ADD1: variants seen among roughly 807,000 people sequenced by gnomAD.
The protein encoded by ADD1 is alpha-adducin.
ADD1 carries 24 observed loss-of-function variants against 80.5 expected under a neutral mutation model. The observed-to-expected ratio is 0.30, with a 90% confidence interval of 0.22 to 0.42. The LOEUF is 0.42. Among genes scored for constraint, ADD1 ranks in the 10% least tolerant of loss-of-function variants. The pLI, the probability that ADD1 is intolerant of heterozygous loss-of-function variation, is 1.00. For synonymous variants in ADD1, 373 were observed against 393.8 expected, an observed-to-expected ratio of 0.95 and a Z score of 0.63; for missense variants, 948 against 1,019.0, an observed-to-expected ratio of 0.93 and a Z score of 0.95.
intron 15 of ADD1, 147 bp from the exon 16 acceptor site, chr4:2,928,024 G>A: frequency 1.3e-6 from 1 of 754,110 alleles, no homozygotes; most frequent in East Asian, 2.5e-5. Context: ...GTACAGTAGA[G>A]TAGACCATAT....
At chr4:2,847,785 A>G (rs1726476587) in intron 1 of ADD1, among the ~76,000 whole-genome samples, 1 of 152,234 alleles carries the variant, frequency 6.6e-6, no homozygotes, top group Admixed American at 6.5e-5. Flanking sequence ...GACAGCTTGA[A>G]GCAGGGAGGG....
chr4:2,916,754 C>T (rs549719809), intron 14 of ADD1, among the ~76,000 whole-genome samples: 1 of 152,276 alleles, frequency 6.6e-6, no homozygotes, highest in East Asian at 1.9e-4. Flanking sequence ...TCTAATTGTT[C>T]AATCCCCACT....
At chr4:2,885,408 C>G (rs1270211304) in intron 4 of ADD1, among the ~76,000 whole-genome samples, 1 of 152,256 alleles carries the variant, frequency 6.6e-6, no homozygotes, top group Non-Finnish European at 1.5e-5. Flanking sequence ...CTCTTACAAC[C>G]TTACTAATAT....
rs756975353 is a variant in ADD1 at position 2,914,986 on chromosome 4, C to G, written c.1894C>G (p.Arg632Gly). 2.5e-6 allele frequency: 4 copies of G among 1,613,964 alleles called. No homozygotes were observed. The highest frequency in any genetic ancestry group is 2.7e-5 in the African/African-American group (2 of 74,916). ...CAACCCCTTCACCACACTCACAGAC[C>G]GTGAGCTGGAGGAGTACCGCAGGGA... ...GPNPFTTLTD[R>G]ELEEYRREVE... Residue 632 changes from arginine (R) to glycine (G), a missense_variant, in exon 14 of 16, where the codon CGT becomes GGT. Physicochemically the swap from Arg to Gly is moderately radical, Grantham distance 125. Coordinates refer to ENST00000683351, the MANE Select transcript of ADD1 (RefSeq NM_001354761.2).
At position 2,909,416 on chromosome 4, in the gene ADD1, T is replaced by A; in HGVS notation, c.1776T>A (p.Ser592=). 6 of 1,550,150 alleles carry A rather than the reference T, an allele frequency of 3.9e-6. No individual in the cohort carries two copies. Among genetic ancestry groups the A allele is most frequent in the Non-Finnish European group, 5.2e-6 (6 of 1,146,678 alleles). The change falls in exon 13 of 16, where the codon TCT becomes TCA. Residue 592 remains serine, a synonymous_variant. Transcript: ENST00000683351. ...AGCAGACCTTTAGTCCCGCTAAATC[T>A]CTCTCTTTTAGAAAGGTACTCACTG... ...LTEQTFSPAK[S]LSFRKGELVT...
intron 3 of ADD1, among the ~76,000 whole-genome samples, chr4:2,882,577 C>T (rs905896764): frequency 2.3e-4 from 35 of 152,324 alleles, no homozygotes; most frequent in Admixed American, 2.3e-3. Flanking sequence ...CTAATCTGAG[C>T]CACTGCATAT....
At chr4:2,876,215 C>A in intron 2 of ADD1, 105 bp downstream of exon 2, 2 of 1,102,792 alleles carry the variant, frequency 1.8e-6, no homozygotes, top group Non-Finnish European at 1.3e-6. Flanking sequence ...GATCTTATCA[C>A]AGGAAATCAG....
chr4:2,894,637 T>C lies in ADD1; in HGVS notation c.647T>C (p.Val216Ala). 1 of 1,610,032 alleles carries C rather than the reference T, an allele frequency of 6.2e-7. No homozygotes were observed. The highest frequency in any genetic ancestry group is 8.5e-7 in the Non-Finnish European group (1 of 1,178,836). ...IVDRGSTNLG[V>A]NQAGFTLHSA... Reference sequence around the variant, plus strand: ...GATCGTGGAAGCACTAATCTGGGAGTGAATCAGGCCGGCTTCACCTTACAC... The same window carrying C: ...GATCGTGGAAGCACTAATCTGGGAGCGAATCAGGCCGGCTTCACCTTACAC... Residue 216 changes from valine (V) to alanine (A), a missense_variant, in exon 6 of 16, where the codon GTG (valine) becomes GCG (alanine). Val to Ala is a moderately conservative substitution (Grantham distance 64). Transcript: ENST00000683351.
Position 2,926,149 on chromosome 4 carries a change from G to GGTGCACGGCTC in ADD1, c.2047+42_2047+52dup. 6.4e-7 allele frequency: 1 copy of GGTGCACGGCTC among 1,571,686 alleles called. No homozygotes were observed. Among genetic ancestry groups the GGTGCACGGCTC allele is most frequent in the Non-Finnish European group, 8.8e-7 (1 of 1,142,114 alleles). On this transcript the variant is annotated intron_variant, in intron 15 of 15. Coordinates refer to ENST00000683351, the MANE Select transcript of ADD1 (RefSeq NM_001354761.2). The surrounding 1 kb of genome is among the most constrained non-coding windows in gnomAD (Gnocchi z 5.0). ...GTGGCAGCGGCCGCCACTGTGGGAG[G>GGTGCACGGCTC]GTGCACGGCTCGTGCGCGCTGTGGC...
intron 14 of ADD1, among the ~76,000 whole-genome samples, chr4:2,915,272 A>C (rs1738796638): frequency 6.6e-6 from 1 of 152,062 alleles, no homozygotes; most frequent in Admixed American, 6.6e-5. Flanking sequence ...TTGGGAGGCC[A>C]AGGAGGGCGG....
At chr4:2,882,295 G>T (rs938392283) in intron 3 of ADD1, among the ~76,000 whole-genome samples, 1 of 152,196 alleles carries the variant, frequency 6.6e-6, no homozygotes, top group Non-Finnish European at 1.5e-5. Flanking sequence ...CGAGGCAGAT[G>T]ACTTTTTATG....
chr4:2,907,972 A>G, intron 11 of ADD1, 128 bp downstream of exon 11: 2 of 731,772 alleles, frequency 2.7e-6, no homozygotes, highest in East Asian at 5.1e-5. Context: ...GTTGCAGTGA[A>G]GCCATCTCTT....
intron 13 of ADD1, among the ~76,000 whole-genome samples, chr4:2,911,846 A>C (rs534510679): frequency 6.6e-6 from 1 of 152,204 alleles, no homozygotes; most frequent in East Asian, 1.9e-4. Context: ...ACTGCAAGCT[A>C]TTCAGCCCAG....
intron 3 of ADD1, among the ~76,000 whole-genome samples, chr4:2,882,518 C>T (rs1366091440): frequency 6.6e-6 from 1 of 152,230 alleles, no homozygotes; most frequent in African/African-American, 2.4e-5. Flanking sequence ...AAGAATGCAG[C>T]TTTGCCATGG....
intron 14 of ADD1, among the ~76,000 whole-genome samples, chr4:2,920,279 C>G (rs542126762): frequency 5.3e-5 from 8 of 152,048 alleles, no homozygotes; most frequent in Admixed American, 5.2e-4. Context: ...AGAATAAGTG[C>G]GATGTGGTGC....
chr4:2,871,563 C>T (rs1175443850), intron 1 of ADD1, among the ~76,000 whole-genome samples: 1 of 152,176 alleles, frequency 6.6e-6, no homozygotes, highest in African/African-American at 2.4e-5. Flanking sequence ...CAGAGACCAG[C>T]TCATGTAAGG....
intron 1 of ADD1, among the ~76,000 whole-genome samples, chr4:2,867,148 G>C (rs1729672222): frequency 6.6e-6 from 1 of 152,192 alleles, no homozygotes; most frequent in Admixed American, 6.5e-5. Flanking sequence ...TTGCAGGGTG[G>C]TTGGAATTAA....
intron 1 of ADD1, among the ~76,000 whole-genome samples, chr4:2,857,368 C>G (rs1480622110): frequency 6.6e-6 from 1 of 152,166 alleles, no homozygotes; most frequent in Non-Finnish European, 1.5e-5. Flanking sequence ...CCCAGCTACT[C>G]AAGAGGCTGA....
chr4:2,897,892 G>C (rs1735527634), intron 6 of ADD1, among the ~76,000 whole-genome samples: 1 of 152,108 alleles, frequency 6.6e-6, no homozygotes, highest in Admixed American at 6.6e-5. Context: ...TAGATGCAGT[G>C]CTCATTGTAT....
Sources: gnomAD v4.1 joint callset for allele counts (sites outside exome capture counted in the v4.1 genomes callset) on GRCh38, gnomAD v4.1.1 for gene constraint, Gnocchi (gnomAD v3.1) non-coding constraint, MANE v1.5 for transcripts, NCBI Gene and HGNC (gene_info 2026-07-23, HGNC 2026-07-21) for gene names.